OBP2A: variants seen among roughly 807,000 people sequenced by gnomAD.
OBP2A encodes odorant binding protein 2A, also known as odorant-binding protein 2a.
OBP2A carries 15 observed loss-of-function variants against 21.9 expected under a neutral mutation model. The ratio of observed to expected loss-of-function variants is 0.69; its 90% confidence interval spans 0.46 to 1.06. The LOEUF (loss-of-function observed/expected upper bound fraction) is 1.06. Among genes scored for constraint, OBP2A ranks in the 50% least tolerant of loss-of-function variants. The pLI is 0.00. For synonymous variants in OBP2A, 86 were observed against 91.8 expected (o/e 0.94, Z 0.36); for missense variants, 192 against 220.1 (o/e 0.87, Z 0.81).
Position 135,548,702 on chromosome 9 carries a change from C to A in OBP2A, c.389-6C>A, listed in dbSNP as rs768565209. On this transcript the variant is annotated splice_polypyrimidine_tract_variant and splice_region_variant and intron_variant, in intron 4 of 6. Transcript: ENST00000371776. ...ACCTTGGCTCACCTGGCCACCTCAC[C>A]TGCAGGTAGGAATCCTAATACCAAC... 1.9e-6 allele frequency: 3 copies of A among 1,613,816 alleles called. No individual in the cohort carries two copies. In the East Asian group the frequency reaches 6.7e-5, roughly 36 times the overall value.
At chr9:135,548,874 T>G (rs1279125410) in intron 5 of OBP2A, 65 bp downstream of exon 5, 1 of 1,517,986 alleles carries the variant, frequency 6.6e-7, no homozygotes, top group Non-Finnish European at 9.1e-7. Flanking sequence ...CAGTGTCCCA[T>G]GACCCCCATG....
Position 135,546,878 on chromosome 9 carries a change from G to T in OBP2A, c.173G>T (p.Gly58Val), listed in dbSNP as rs747034695. ...TCCCCAGTGAAGGTGACAGCCCTGG[G>T]CGGTGGGAACTTGGAAGCCACGTTC... ...KVSPVKVTAL[G>V]GGNLEATFTF... The change falls in exon 2 of 7, where the codon GGC (glycine) becomes GTC (valine). Residue 58 changes from glycine to valine, a missense_variant. Physicochemically the swap from Gly to Val is moderately radical, Grantham distance 109. Coordinates refer to ENST00000371776, the MANE Select transcript of OBP2A (RefSeq NM_014582.3). The T allele has an allele frequency of 1.2e-5, 19 of 1,613,720 alleles. No individual in the cohort carries two copies. The East Asian group carries it at 3.1e-4, about 26-fold the overall frequency.
intron 4 of OBP2A, 170 bp from the exon 5 acceptor site, chr9:135,548,538 C>A: frequency 2.3e-6 from 2 of 886,608 alleles, no homozygotes; most frequent in Non-Finnish European, 1.7e-6. Flanking sequence ...TTGCCTGGTG[C>A]TGGACAGTTG....
intron 6 of OBP2A, 120 bp from the exon 7 acceptor site, chr9:135,549,717 G>C: frequency 1.5e-6 from 1 of 657,680 alleles, no homozygotes; most frequent in Non-Finnish European, 2.6e-6. Flanking sequence ...CTGCTCTGGA[G>C]CCCCGAGGCT....
At chr9:135,548,107 C>T in intron 4 of OBP2A, 126 bp downstream of exon 4, 1 of 665,344 alleles carries the variant, frequency 1.5e-6, no homozygotes. Context: ...CCTTCGTGTG[C>T]TAGGCACCAA....
At chr9:135,546,409 A>G (rs1336138393) in intron 1 of OBP2A, among the ~76,000 whole-genome samples, 157 bp downstream of exon 1, 1 of 110,230 alleles carries the variant, frequency 9.1e-6, no homozygotes, top group Non-Finnish European at 1.9e-5. Context: ...TTGTTCCTCC[A>G]GCAGACACGG....
In OBP2A at chr9:135,547,244, C is replaced by A. The variant is rs111808171; in HGVS notation, c.273C>A (p.Ser91Arg). Residue 91 changes from serine to arginine, a missense_variant, in exon 3 of 7, where the codon AGC (serine) becomes AGA (arginine). Ser to Arg is a moderately radical substitution (Grantham distance 110). Coordinates refer to ENST00000371776, the MANE Select transcript of OBP2A (RefSeq NM_014582.3). ...MRKTEEPGKF[S>R]AYGGRKLIYL... ...AGACGGAGGAGCCTGGCAAATTCAG[C>A]GCCTGTGAGCCCCTCCCCGACCCCC... is the stretch of plus-strand genomic sequence containing the variant. 8.7e-6 allele frequency: 14 copies of A among 1,613,518 alleles called. No individual in the cohort carries two copies. The South Asian group carries it at 8.8e-5, about 10-fold the overall frequency.
chr9:135,548,779 G>C lies in OBP2A; in HGVS notation c.460G>C (p.Glu154Gln), dbSNP rs372804273. The change falls in exon 5 of 7, where the codon GAG becomes CAG. Residue 154 changes from glutamate (E) to glutamine (Q), a missense_variant. Coordinates refer to ENST00000371776, the MANE Select transcript of OBP2A (RefSeq NM_014582.3). ...ATTGGTGCAGCACAAGGGACTCTCG[G>C]AGGAGGACATTTTCATGCCCCTGCA... ...KKLVQHKGLS[E>Q]EDIFMPLQTG... 9.3e-6 allele frequency: 15 copies of C among 1,613,848 alleles called. No homozygotes were observed. The Admixed American group carries it at 2.0e-4, about 22-fold the overall frequency.
Position 135,547,959 on chromosome 9 carries a change from G to A in OBP2A, c.366G>A (p.Leu122=), listed in dbSNP as rs749358777. 39 of 1,611,708 alleles carry A rather than the reference G, an allele frequency of 2.4e-5. No individual in the cohort carries two copies. The highest frequency in any genetic ancestry group is 1.7e-4 in the Middle Eastern group (1 of 6,034). ...FYCKDQRRGG[L]RYMGKLVGRN... is the part of the protein sequence containing the mutation. ...GCAAAGACCAGCGCCGTGGGGGCCT[G>A]CGCTACATGGGAAAGCTTGTGGGTG... Residue 122 remains leucine (L), a synonymous_variant, in exon 4 of 7, where the codon CTG becomes CTA. Coordinates refer to ENST00000371776, the MANE Select transcript of OBP2A (RefSeq NM_014582.3).
chr9:135,549,600 G>A, intron 6 of OBP2A: 3 of 596,764 alleles, frequency 5.0e-6, no homozygotes, highest in Non-Finnish European at 8.9e-6. Context: ...TCCCTCAGGT[G>A]TCAGCTCGGC....
In OBP2A at chr9:135,549,232, A is replaced by C. The variant is rs541655164; in HGVS notation, c.491-76A>C. 10 of 1,160,218 alleles carry C rather than the reference A, an allele frequency of 8.6e-6. 2 individuals carry two copies. In the African/African-American group the frequency reaches 1.0e-4, roughly 12 times the overall value. The allele number at this position is 1,160,218 out of a possible 1,614,324, so 71.9% of individuals were successfully genotyped here. On this transcript the variant is annotated intron_variant, in intron 5 of 6. Transcript: ENST00000371776. ...GGCTGCGATGGGGTCTGGGGCTCTG[A>C]GCCCTGGGCTGCGATGGGGTCTGGG...
rs553041969 is a variant in OBP2A at position 135,547,948 on chromosome 9, C to T, written c.355C>T (p.Arg119Cys). The T allele has an allele frequency of 9.9e-6, 16 of 1,613,082 alleles. No individual in the cohort carries two copies. Among genetic ancestry groups the T allele is most frequent in the African/African-American group, 5.3e-5 (4 of 75,038 alleles). ...DYVFYCKDQR[R>C]GGLRYMGKLV... ...CGTCTTTTACTGCAAAGACCAGCGC[C>T]GTGGGGGCCTGCGCTACATGGGAAA... The change falls in exon 4 of 7, where the codon CGT becomes TGT. Residue 119 changes from arginine to cysteine, a missense_variant. By Grantham distance (180) the Arg-to-Cys change is radical (BLOSUM62 -3). Coordinates refer to ENST00000371776, the MANE Select transcript of OBP2A (RefSeq NM_014582.3).
chr9:135,547,155 C>T, intron 2 of OBP2A, 23 bp from the exon 3 acceptor site: 1 of 1,607,436 alleles, frequency 6.2e-7, no homozygotes, highest in South Asian at 1.1e-5. Context: ...GGAGCCGCTG[C>T]CCGAGTGTCT....
rs757887894 is a variant in OBP2A, at chr9:135,547,995, TG to T, written c.388+18del. On this transcript the variant is annotated intron_variant, in intron 4 of 6. Coordinates refer to ENST00000371776, the MANE Select transcript of OBP2A (RefSeq NM_014582.3). ...GAAAGCTTGTGGGTGAGGGGCCCGC[TG>T]GGGCCTGCATGTCCTGCCCCATGGT... The T allele has an allele frequency of 8.3e-6, 13 of 1,572,910 alleles. No individual in the cohort carries two copies. The highest frequency in any genetic ancestry group is 1.1e-5 in the Non-Finnish European group (13 of 1,150,842).
intron 6 of OBP2A, 88 bp downstream of exon 6, chr9:135,549,419 C>T: frequency 8.1e-7 from 1 of 1,233,836 alleles, no homozygotes; most frequent in Admixed American, 1.9e-5. Context: ...CCCTTCCCAT[C>T]CCACACAGCC....
intron 5 of OBP2A, among the ~76,000 whole-genome samples, 168 bp downstream of exon 5, chr9:135,548,977 A>ATGGGGTCTGGGGCTCCGCG (rs1231023538): frequency 7.0e-6 from 1 of 142,722 alleles, no homozygotes; most frequent in Admixed American, 7.0e-5. Context: ...GAGGGTCTGC[A>ATGGGGTCTGGGGCTCCGCG]CTCTGGGCTG....
intron 4 of OBP2A, 93 bp from the exon 5 acceptor site, chr9:135,548,615 A>T: frequency 6.3e-7 from 1 of 1,578,186 alleles, no homozygotes; most frequent in South Asian, 1.2e-5. Flanking sequence ...CCCCGTCCTG[A>T]TGCTGGGCCG....
rs376877476 is a variant in OBP2A, at chr9:135,547,128, G to A, written c.207-50G>A. On this transcript the variant is annotated intron_variant, in intron 2 of 6. Coordinates refer to ENST00000371776, the MANE Select transcript of OBP2A (RefSeq NM_014582.3). ...GCCATGCACCAGGTGAGCTGAGGAT[G>A]GGCCAGGTGTGTCCTGGGAGCCGCT... 13 of 1,522,730 alleles carry A rather than the reference G, an allele frequency of 8.5e-6. No individual in the cohort carries two copies. The African/African-American group carries it at 9.4e-5, about 11-fold the overall frequency. The allele number at this position is 1,522,730 out of a possible 1,614,324, so 94.3% of individuals were successfully genotyped here.
chr9:135,546,413 GACAC>G, intron 1 of OBP2A, among the ~76,000 whole-genome samples, 161 bp downstream of exon 1: 1 of 98,644 alleles, frequency 1.0e-5, no homozygotes, highest in South Asian at 4.1e-4. Flanking sequence ...TCCTCCAGCA[GACAC>G]GGCCCCCCGA....
Sources: gnomAD v4.1 joint callset for allele counts (sites outside exome capture counted in the v4.1 genomes callset) on GRCh38, gnomAD v4.1.1 for gene constraint, MANE v1.5 for transcripts, NCBI Gene and HGNC (gene_info 2026-07-23, HGNC 2026-07-21) for gene names.